Variants in ZMIZ1 observed in about 807,000 individuals in gnomAD.
ZMIZ1 encodes zinc finger MIZ-type containing 1.
In ZMIZ1, 17 loss-of-function variants were observed where a neutral mutation model predicts 113.9. The ratio of observed to expected loss-of-function variants is 0.15; its 90% CI spans 0.10 to 0.22. ZMIZ1 has a LOEUF of 0.22. Ranked by LOEUF, ZMIZ1 falls within the 10% of genes least tolerant of loss-of-function variation. The pLI is 1.00. For synonymous variants in ZMIZ1, 607 were observed against 603.1 expected (o/e 1.01, Z -0.09); for missense variants, 1,059 against 1,477.8 (o/e 0.72, Z 4.65).
intron 4 of ZMIZ1, among the ~76,000 whole-genome samples, chr10:79,173,022 C>T (rs1846670196): frequency 6.6e-6 from 1 of 152,162 alleles, no homozygotes; most frequent in Admixed American, 6.5e-5. Context: ...ATTAAAGGCA[C>T]TTAATCTCAG....
chr10:79,107,602 G>A (rs370956175), intron 1 of ZMIZ1, among the ~76,000 whole-genome samples: 2 of 152,220 alleles, frequency 1.3e-5, no homozygotes, highest in African/African-American at 4.8e-5. Context: ...GGGCACCACC[G>A]GGCGGTGGGA....
At chr10:79,228,154 A>G (rs1849263766) in intron 7 of ZMIZ1, among the ~76,000 whole-genome samples, 1 of 152,276 alleles carries the variant, frequency 6.6e-6, no homozygotes, top group African/African-American at 2.4e-5. Flanking sequence ...TAACATTTAA[A>G]GTACCATTTA....
intron 23 of ZMIZ1, among the ~76,000 whole-genome samples, chr10:79,307,829 T>C (rs1003411513): frequency 1.5e-4 from 23 of 152,010 alleles, no homozygotes; most frequent in African/African-American, 5.1e-4. Context: ...CACCACCCCA[T>C]GCATACACAC....
At chr10:79,073,923 G>T (rs1469903282) in intron 1 of ZMIZ1, among the ~76,000 whole-genome samples, 1 of 152,198 alleles carries the variant, frequency 6.6e-6, no homozygotes, top group Non-Finnish European at 1.5e-5. Context: ...CCAGAACTGT[G>T]GAAGACAGTT....
chr10:79,199,066 C>T (rs758615807), intron 4 of ZMIZ1, among the ~76,000 whole-genome samples: 9 of 151,948 alleles, frequency 5.9e-5, no homozygotes, highest in Non-Finnish European at 1.3e-4. Context: ...CTTCAGGGTC[C>T]CTCGTTTCAG....
intron 7 of ZMIZ1, among the ~76,000 whole-genome samples, chr10:79,270,786 T>C (rs1160952443): frequency 3.3e-5 from 5 of 152,116 alleles, no homozygotes; most frequent in Non-Finnish European, 7.4e-5. Context: ...TCTTATCTAC[T>C]AAAAGCCAGG....
intron 2 of ZMIZ1, among the ~76,000 whole-genome samples, chr10:79,139,051 G>C (rs912989715): frequency 6.6e-6 from 1 of 152,062 alleles, no homozygotes; most frequent in Non-Finnish European, 1.5e-5. Context: ...TCTGCATCTG[G>C]GCCTCCTCTC....
chr10:79,304,060 C>A lies in ZMIZ1; in HGVS notation c.2171C>A (p.Thr724Asn), dbSNP rs766870371. Residue 724 changes from threonine to asparagine, a missense_variant, in exon 19 of 25, where the codon ACC becomes AAC. Thr to Asn is a moderately conservative substitution (Grantham distance 65). Transcript: ENST00000334512. ...GTGGCTGCCTCCTCGGGCAACACGA[C>A]CCTCAACGGGGAGGATGGGGTGGAG... Reference protein sequence around the residue: ...SSVAASSGNTTLNGEDGVEQT... With the variant: ...SSVAASSGNTNLNGEDGVEQT... 3 of 1,614,198 alleles carry A rather than the reference C, an allele frequency of 1.9e-6. No homozygotes were observed. In the South Asian group the frequency reaches 3.3e-5, roughly 18 times the overall value.
At position 79,311,182 on chromosome 10, in the gene ZMIZ1, G is replaced by A. The variant is rs143270296; in HGVS notation, c.3094G>A (p.Asp1032Asn). 5 of 1,605,352 alleles carry A rather than the reference G, an allele frequency of 3.1e-6. No homozygotes were observed. The highest frequency in any genetic ancestry group is 1.1e-5 in the South Asian group (1 of 90,840). The change falls in exon 24 of 25, where the codon GAT becomes AAT. Residue 1032 changes from aspartate (D) to asparagine (N), a missense_variant and splice_region_variant. Around this residue, in one of 6 missense-constraint regions of ZMIZ1, gnomAD observed 225 missense variants for 276.0 expected, o/e 0.82. Transcript: ENST00000334512. ...GTCCGACATGCCGGAGCCTTCGCTG[G>A]ATGTAAGTTGGGGTCGCCACTCGCC... The part of the protein sequence containing the change: ...GASDMPEPSL[D>N]LLPELTNPDE...
chr10:79,221,668 A>T (rs1848978078), intron 7 of ZMIZ1, among the ~76,000 whole-genome samples: 1 of 152,132 alleles, frequency 6.6e-6, no homozygotes, highest in African/African-American at 2.4e-5. Context: ...GGCAGTCGCC[A>T]TGTCGAGGTC....
chr10:79,225,978 G>A (rs1353407661), intron 7 of ZMIZ1, among the ~76,000 whole-genome samples: 5 of 152,346 alleles, frequency 3.3e-5, no homozygotes, highest in African/African-American at 1.2e-4. Flanking sequence ...TTTTAAGGGC[G>A]AGGGATGACA....
At position 79,306,352 on chromosome 10, in the gene ZMIZ1, A is replaced by T; in HGVS notation, c.2668+8A>T. 2 of 1,606,826 alleles carry T rather than the reference A, an allele frequency of 1.2e-6. No individual in the cohort carries two copies. The highest frequency in any genetic ancestry group is 1.7e-6 in the Non-Finnish European group (2 of 1,179,594). ...ACGACTACAGCAGCCAAGGTGGGTGATGCCAGGCAGGGAGGAAGGGAGAAG... is the reference window on the plus strand; with the variant it reads ...ACGACTACAGCAGCCAAGGTGGGTGTTGCCAGGCAGGGAGGAAGGGAGAAG... On this transcript the variant is annotated splice_region_variant and intron_variant, in intron 22 of 24. Transcript: ENST00000334512.
At chr10:79,142,923 T>G (rs1011756626) in intron 3 of ZMIZ1, among the ~76,000 whole-genome samples, 4 of 152,126 alleles carry the variant, frequency 2.6e-5, no homozygotes, top group South Asian at 4.1e-4. Flanking sequence ...TGTGGATCCT[T>G]TATCCTAAAA....
chr10:79,159,124 T>C lies in ZMIZ1; in HGVS notation c.-130-2929T>C, dbSNP rs1239547906. On this transcript the variant is annotated intron_variant, in intron 3 of 24. Transcript: ENST00000334512. ...ATGGGGAGATTGGGTGGGCTTCCAC[T>C]GGCCTTGAGGCTCAGGCTGCACTCA... 2.6e-5 allele frequency among the ~76,000 whole-genome samples: 4 copies of C among 152,198 alleles called. No homozygotes were observed. In the East Asian group the frequency reaches 7.7e-4, roughly 29 times the overall value.
chr10:79,136,582 G>T (rs1845018998), intron 2 of ZMIZ1, among the ~76,000 whole-genome samples: 1 of 152,254 alleles, frequency 6.6e-6, no homozygotes, highest in African/African-American at 2.4e-5. Flanking sequence ...GTGGAGAGAA[G>T]TGGTGAAGGG....
chr10:79,212,649 G>A (rs1848570854), intron 6 of ZMIZ1, among the ~76,000 whole-genome samples: 1 of 152,028 alleles, frequency 6.6e-6, no homozygotes, highest in South Asian at 2.1e-4. Flanking sequence ...CCAGCTACTC[G>A]GGTAGCTGAG....
chr10:79,078,213 A>T (rs1842539252), intron 1 of ZMIZ1, among the ~76,000 whole-genome samples: 1 of 152,166 alleles, frequency 6.6e-6, no homozygotes, highest in African/African-American at 2.4e-5. Flanking sequence ...CATAATAACA[A>T]TACCTACTTT....
chr10:79,273,423 G>A (rs527296980), intron 7 of ZMIZ1, among the ~76,000 whole-genome samples: 9 of 152,178 alleles, frequency 5.9e-5, no homozygotes, highest in East Asian at 1.9e-4. Context: ...GGGCAGTGAC[G>A]CGATCTCAGA....
intron 1 of ZMIZ1, among the ~76,000 whole-genome samples, chr10:79,076,979 T>G (rs1346142316): frequency 6.6e-6 from 1 of 152,170 alleles, no homozygotes; most frequent in East Asian, 1.9e-4. Context: ...GGAGCTGACC[T>G]TTGTCCTTTG....
Sources: allele counts gnomAD v4.1 joint callset (sites outside exome capture counted in the v4.1 genomes callset), GRCh38; gene constraint gnomAD v4.1.1; regional missense constraint gnomAD v4.1.1; transcripts MANE v1.5; gene names NCBI Gene and HGNC (gene_info 2026-07-23, HGNC 2026-07-21).